The following ANKRD30A variants were observed in gnomAD, a reference collection of about 807,000 sequenced individuals.
ANKRD30A encodes the protein ankyrin repeat domain-containing protein 30A.
A neutral mutation model predicts 166.3 loss-of-function variants in ANKRD30A; 170 were observed. That is an observed-to-expected ratio of 1.02 (90% CI 0.90 to 1.16). ANKRD30A has a LOEUF of 1.16. Ranked by LOEUF, ANKRD30A falls within the 50% of genes most tolerant of loss-of-function variation. The pLI, the probability that ANKRD30A is intolerant of heterozygous loss-of-function variation, is 0.00. For missense variants in ANKRD30A, 1,630 were observed against 1,518.0 expected (o/e 1.07, Z -1.23); for synonymous variants, 564 against 508.9 (o/e 1.11, Z -1.46).
At chr10:37,127,190 G>A (rs1414340702) in intron 1 of ANKRD30A, among the ~76,000 whole-genome samples, 1 of 151,528 alleles carries the variant, frequency 6.6e-6, no homozygotes, top group East Asian at 1.9e-4. Flanking sequence ...CTTGGTAATG[G>A]TCACACTTTA....
intron 24 of ANKRD30A, among the ~76,000 whole-genome samples, chr10:37,178,949 G>A (rs1390429902): frequency 6.7e-6 from 1 of 149,218 alleles, no homozygotes; most frequent in Non-Finnish European, 1.5e-5. Flanking sequence ...GGAATCATGA[G>A]GATTACTAGA....
chr10:37,229,989 A>C (rs1450211831), intron 34 of ANKRD30A, among the ~76,000 whole-genome samples: 2 of 151,940 alleles, frequency 1.3e-5, no homozygotes, highest in Non-Finnish European at 2.9e-5. Flanking sequence ...TGTACAATTA[A>C]ATTGTTTGTT....
chr10:37,142,305 C>A lies in ANKRD30A; in HGVS notation c.1393+15C>A, dbSNP rs746867768. 7 of 1,568,334 alleles carry A rather than the reference C, an allele frequency of 4.5e-6. No homozygotes were observed. The highest frequency in any genetic ancestry group is 2.0e-5 in the Admixed American group (1 of 49,646). ...AAGTGCCAATGGTAAGATGCTAGAG[C>A]GAACTTTGTAAGGTTTATTGGCACT... On this transcript the variant is annotated intron_variant, in intron 7 of 35. Transcript: ENST00000361713.
the ANKRD30A span, chr10:37,248,159 G>A: frequency 1.6e-6 from 1 of 633,798 alleles, no homozygotes; most frequent in South Asian, 1.4e-5. Context: ...GAGTCTTCCA[G>A]AGGTCTTGCA....
chr10:37,148,166 G>A (rs1166682012), intron 9 of ANKRD30A, among the ~76,000 whole-genome samples: 2 of 152,066 alleles, frequency 1.3e-5, no homozygotes, highest in Non-Finnish European at 2.9e-5. Flanking sequence ...GTTCTCAGGC[G>A]ATGCTGATAC....
intron 18 of ANKRD30A, 85 bp downstream of exon 18, chr10:37,165,240 C>T (rs1156770857): frequency 1.2e-5 from 15 of 1,269,538 alleles, no homozygotes; most frequent in Admixed American, 7.4e-5. Context: ...TATTTTCTCA[C>T]CTCTGCATGT....
Position 37,217,593 on chromosome 10 carries a change from G to A in ANKRD30A, c.3084-102G>A, listed in dbSNP as rs1047686121. ...GGAAGAAAAAAATTCAAGAATATAG[G>A]AATTTTATTGGACTAATAACCCAAT... On this transcript the variant is annotated intron_variant, in intron 32 of 35. Transcript: ENST00000361713. 7.4e-6 allele frequency: 7 copies of A among 941,626 alleles called. No homozygotes were observed. In the African/African-American group the frequency reaches 1.2e-4, roughly 16 times the overall value. 58.3% of individuals were successfully genotyped at this position (941,626 alleles called of 1,614,324 possible).
At chr10:37,253,061 A>G in the ANKRD30A span, among the ~76,000 whole-genome samples, 5 of 152,198 alleles carry the variant, frequency 3.3e-5, no homozygotes, top group Non-Finnish European at 5.9e-5. Context: ...GTCTCCCACA[A>G]CTTCTAAATT....
chr10:37,179,040 A>G (rs1466434082), intron 24 of ANKRD30A, among the ~76,000 whole-genome samples: 11 of 123,622 alleles, frequency 8.9e-5, no homozygotes, highest in Admixed American at 6.2e-4. Flanking sequence ...ATATATATAT[A>G]TATATATATA....
intron 13 of ANKRD30A, 90 bp downstream of exon 13, chr10:37,153,752 A>G: frequency 1.3e-6 from 2 of 1,543,730 alleles, no homozygotes; most frequent in South Asian, 1.2e-5. Context: ...GAAGAAAATT[A>G]CCTCCTAAAT....
At chr10:37,257,487 T>G in the ANKRD30A span, among the ~76,000 whole-genome samples, 1 of 152,286 alleles carries the variant, frequency 6.6e-6, no homozygotes, top group Admixed American at 6.5e-5. Context: ...TTAACTGTGA[T>G]GTTAGGGGGT....
In ANKRD30A at chr10:37,219,578, G is replaced by A. The variant is rs553718030; in HGVS notation, c.3866G>A (p.Arg1289His). The change falls in exon 34 of 36, where the codon CGT becomes CAT. Residue 1289 changes from arginine (R) to histidine (H), a missense_variant. Physicochemically the swap from Arg to His is conservative, Grantham distance 29. This residue lies in a region of ANKRD30A where 712 missense variants were observed against 629.3 expected (regional missense o/e 1.13). Transcript: ENST00000361713. Reference protein sequence around the residue: ...LVSEHAQRDQRETQCQMKEAE... With the variant: ...LVSEHAQRDQHETQCQMKEAE... ...TCAGAACATGCACAAAGAGACCAAC[G>A]TGAAACACAGTGTCAAATGAAGGAA... The A allele has an allele frequency of 6.8e-6, 11 of 1,610,160 alleles. No homozygotes were observed. The highest frequency in any genetic ancestry group is 2.2e-5 in the East Asian group (1 of 44,650).
chr10:37,130,603 A>G (rs1022053058), intron 3 of ANKRD30A, among the ~76,000 whole-genome samples: 2 of 152,242 alleles, frequency 1.3e-5, no homozygotes, highest in African/African-American at 4.8e-5. Context: ...AATGTGTTAA[A>G]GGTAAAAACT....
chr10:37,133,883 C>T lies in ANKRD30A; in HGVS notation c.618-33C>T, dbSNP rs1363495659. 5.0e-6 allele frequency: 8 copies of T among 1,609,956 alleles called. No homozygotes were observed. The Admixed American group carries it at 6.7e-5, about 13-fold the overall frequency. On this transcript the variant is annotated intron_variant, in intron 4 of 35. Coordinates refer to ENST00000361713, the MANE Select transcript of ANKRD30A (RefSeq NM_052997.3). ...AGGCACATATTAAATTGGTTCTGCT[C>T]ATAATAATGAAGTTATCTCTTTGTT...
Position 37,219,489 on chromosome 10 carries a change from A to G in ANKRD30A, c.3777A>G (p.Lys1259=). ...AACCACTTTCTGAAGCTCAAAGGAAATCCAAAAGCCTAAAAATTAATCTCA... is the reference window on the plus strand; with the variant it reads ...AACCACTTTCTGAAGCTCAAAGGAAGTCCAAAAGCCTAAAAATTAATCTCA... ...LHQPLSEAQR[K]SKSLKINLNY... The change falls in exon 34 of 36, where the codon AAA becomes AAG. Residue 1259 remains lysine (K), a synonymous_variant. Transcript: ENST00000361713. 2.5e-6 allele frequency: 4 copies of G among 1,610,336 alleles called. No homozygotes were observed. The highest frequency in any genetic ancestry group is 3.4e-6 in the Non-Finnish European group (4 of 1,177,674).
rs376719296 is a variant in ANKRD30A at position 37,130,506 on chromosome 10, T to C, written c.510+128T>C. 16 of 659,158 alleles carry C rather than the reference T, an allele frequency of 2.4e-5. No homozygotes were observed. The East Asian group carries it at 2.9e-4, about 12-fold the overall frequency. The allele number at this position is 659,158 out of a possible 1,614,324, so 40.8% of individuals were successfully genotyped here. ...ATGAAAATAGTTTGAAAGAACTTAA[T>C]TGTCTAAGATTTTACTTTAAATATT... is the stretch of plus-strand genomic sequence containing the variant. On this transcript the variant is annotated intron_variant, in intron 3 of 35. Transcript: ENST00000361713.
At chr10:37,199,645 A>G in intron 29 of ANKRD30A, 82 bp from the exon 30 acceptor site, 2 of 896,714 alleles carry the variant, frequency 2.2e-6, no homozygotes, top group Admixed American at 2.4e-5. Context: ...AGATTCGTGA[A>G]TGAAAGTAGA....
chr10:37,206,046 A>G (rs1247943565), intron 31 of ANKRD30A, among the ~76,000 whole-genome samples: 1 of 152,164 alleles, frequency 6.6e-6, no homozygotes, highest in African/African-American at 2.4e-5. Flanking sequence ...AAAAGCAAAA[A>G]CAGAATTTAT....
At chr10:37,199,224 G>A (rs1841413907) in intron 29 of ANKRD30A, among the ~76,000 whole-genome samples, 1 of 152,074 alleles carries the variant, frequency 6.6e-6, no homozygotes, top group South Asian at 2.1e-4. Context: ...ATATTGAAAT[G>A]TAAAAGGGTT....
Sources: gnomAD v4.1 joint callset for allele counts (sites outside exome capture counted in the v4.1 genomes callset) on GRCh38, gnomAD v4.1.1 for gene constraint, gnomAD v4.1.1 regional missense constraint, MANE v1.5 for transcripts, NCBI Gene and HGNC (gene_info 2026-07-23, HGNC 2026-07-21) for gene names.